Variants in BMP6 observed in about 807,000 individuals in gnomAD.
BMP6 encodes VG-1-R.
A neutral mutation model predicts 54.1 loss-of-function variants in BMP6; 17 were observed. That is an observed-to-expected ratio of 0.31 (90% CI 0.22 to 0.47). BMP6 has a LOEUF of 0.47. BMP6 is among the 20% of genes least tolerant of loss of function. The pLI is 1.00. For synonymous variants in BMP6, 328 were observed against 291.2 expected (o/e 1.13, Z -1.28); for missense variants, 720 against 690.4 (o/e 1.04, Z -0.48).
At chr6:7,813,108 A>AAAAAAAAAAAATAT (rs1554122651) in intron 1 of BMP6, among the ~76,000 whole-genome samples, 5 of 21,490 alleles carry the variant, frequency 2.3e-4, no homozygotes, top group Non-Finnish European at 2.3e-4. Flanking sequence ...AAAAAAAAAA[A>AAAAAAAAAAAATAT]ATATATATAT....
intron 1 of BMP6, among the ~76,000 whole-genome samples, chr6:7,819,374 A>G (rs1222130746): frequency 6.6e-6 from 1 of 152,186 alleles, no homozygotes; most frequent in Admixed American, 6.5e-5. Flanking sequence ...AGGTTACACA[A>G]ATTGCTGGCT....
intron 1 of BMP6, among the ~76,000 whole-genome samples, chr6:7,835,402 A>C (rs1352704946): frequency 6.6e-6 from 1 of 152,062 alleles, no homozygotes; most frequent in Non-Finnish European, 1.5e-5. Flanking sequence ...CCCGGCCAGG[A>C]ATGCTGAGTC....
intron 1 of BMP6, among the ~76,000 whole-genome samples, chr6:7,813,148 T>TATATATATAA (rs1211230637): frequency 1.1e-5 from 1 of 94,278 alleles, no homozygotes; most frequent in Non-Finnish European, 2.0e-5. Context: ...TATATATATA[T>TATATATATAA]AAAATTAGTG....
chr6:7,772,088 CA>C (rs1757798470), intron 1 of BMP6, among the ~76,000 whole-genome samples: 1 of 151,796 alleles, frequency 6.6e-6, no homozygotes, highest in Non-Finnish European at 1.5e-5. Flanking sequence ...AAAACAAACC[CA>C]AAAAAACCCT....
At chr6:7,859,664 A>G (rs537557454) in intron 2 of BMP6, among the ~76,000 whole-genome samples, 4 of 151,456 alleles carry the variant, frequency 2.6e-5, no homozygotes, top group Admixed American at 6.6e-5. Context: ...GCTGTTTTCC[A>G]TGGACACCCC....
chr6:7,749,072 C>G (rs1757386301), intron 1 of BMP6, among the ~76,000 whole-genome samples: 1 of 152,210 alleles, frequency 6.6e-6, no homozygotes, highest in Non-Finnish European at 1.5e-5. Context: ...TAGCGCTTTC[C>G]TGCAGATTTC....
chr6:7,735,384 T>C (rs1024990122), intron 1 of BMP6, among the ~76,000 whole-genome samples: 5 of 152,350 alleles, frequency 3.3e-5, no homozygotes, highest in South Asian at 4.1e-4. Context: ...TAGCCTTGCT[T>C]ATTCTCTGAG....
chr6:7,856,610 T>TTTTTTTTTTTTTTTTTTTTTG (rs1477184469), intron 2 of BMP6, among the ~76,000 whole-genome samples: 1 of 122,154 alleles, frequency 8.2e-6, no homozygotes, highest in Non-Finnish European at 1.7e-5. Context: ...TTTTTTTTTT[T>TTTTTTTTTTTTTTTTTTTTTG]TTTTGAGACG....
intron 2 of BMP6, among the ~76,000 whole-genome samples, chr6:7,858,738 C>G: frequency 6.6e-6 from 1 of 150,890 alleles, no homozygotes; most frequent in East Asian, 1.9e-4. Context: ...TTCCTCTGTC[C>G]CACTTGGCCC....
At chr6:7,870,777 G>GCCATCAT (rs1759511756) in intron 4 of BMP6, among the ~76,000 whole-genome samples, 1 of 152,194 alleles carries the variant, frequency 6.6e-6, no homozygotes, top group African/African-American at 2.4e-5. Flanking sequence ...ACAGGCATGT[G>GCCATCAT]CCATCATGCC....
intron 1 of BMP6, among the ~76,000 whole-genome samples, chr6:7,763,747 G>A (rs956428754): frequency 1.3e-5 from 2 of 152,118 alleles, no homozygotes; most frequent in African/African-American, 4.8e-5. Flanking sequence ...GTGAATGCAG[G>A]TGCAGTCCTT....
chr6:7,818,616 G>T (rs1321372426), intron 1 of BMP6, among the ~76,000 whole-genome samples: 2 of 152,228 alleles, frequency 1.3e-5, no homozygotes, highest in Admixed American at 6.5e-5. Flanking sequence ...AGCCCCTAGA[G>T]GGAAGTGCTT....
intron 1 of BMP6, among the ~76,000 whole-genome samples, chr6:7,759,337 A>G (rs1757572871): frequency 6.6e-6 from 1 of 152,200 alleles, no homozygotes; most frequent in Non-Finnish European, 1.5e-5. Flanking sequence ...GTCTGTGCAC[A>G]TGAGTAGATA....
intron 1 of BMP6, among the ~76,000 whole-genome samples, chr6:7,780,823 C>A (rs905516324): frequency 1.2e-5 from 1 of 82,796 alleles, no homozygotes; most frequent in African/African-American, 4.8e-5. Flanking sequence ...CCATCCTCCC[C>A]GTTCAGCCTC....
Position 7,853,331 on chromosome 6 carries a change from C to T in BMP6, c.857+7999C>T, listed in dbSNP as rs542301587. 2.2e-3 allele frequency among the ~76,000 whole-genome samples: 329 copies of T among 152,138 alleles called. 1 individual carries two copies. The highest frequency in any genetic ancestry group is 3.7e-3 in the Non-Finnish European group (255 of 68,006). On this transcript the variant is annotated intron_variant, in intron 2 of 6. Transcript: ENST00000283147. ...ATTTGGAAATCTTTTTAATGAATCC[C>T]GACAAATGTTGACATTTGATTCAGT... is the stretch of plus-strand genomic sequence containing the variant.
intron 1 of BMP6, among the ~76,000 whole-genome samples, chr6:7,809,108 A>C (rs567634889): frequency 0.025 from 2,707 of 108,760 alleles, no homozygotes; most frequent in Non-Finnish European, 0.038. Flanking sequence ...AGTACCCCCC[A>C]CCCCCCCCCA....
chr6:7,856,627 C>T (rs1169494027), intron 2 of BMP6, among the ~76,000 whole-genome samples: 3 of 52,158 alleles, frequency 5.8e-5, no homozygotes, highest in South Asian at 5.4e-4. Flanking sequence ...GACGGAGTCT[C>T]GCTCTGTCGC....
At chr6:7,755,780 A>C (rs186036144) in intron 1 of BMP6, among the ~76,000 whole-genome samples, 2 of 151,898 alleles carry the variant, frequency 1.3e-5, no homozygotes, top group African/African-American at 4.8e-5. Context: ...AAAATTCTCT[A>C]TCTGTGTTGT....
chr6:7,797,732 C>T (rs1321139368), intron 1 of BMP6, among the ~76,000 whole-genome samples: 2 of 152,096 alleles, frequency 1.3e-5, no homozygotes, highest in Non-Finnish European at 2.9e-5. Context: ...CTTGGTTCAT[C>T]TCTTAGACCT....
Sources: gnomAD v4.1 joint callset for allele counts (sites outside exome capture counted in the v4.1 genomes callset) on GRCh38, gnomAD v4.1.1 for gene constraint, MANE v1.5 for transcripts, NCBI Gene and HGNC (gene_info 2026-07-23, HGNC 2026-07-21) for gene names.